The following LHFPL3 variants were observed in gnomAD, a reference collection of about 807,000 sequenced individuals.
LHFPL3 encodes the protein LHFPL tetraspan subfamily member 3 protein.
Under a neutral mutation model 19.3 loss-of-function variants are expected in LHFPL3, and 5 were observed. That is an observed-to-expected ratio of 0.26 (90% CI 0.14 to 0.54). The LOEUF (loss-of-function observed/expected upper bound fraction) is 0.54. LHFPL3 is among the 20% of genes least tolerant of loss of function. The pLI, the probability that LHFPL3 is intolerant of heterozygous loss-of-function variation, is 0.94. For missense variants in LHFPL3, 249 were observed against 307.4 expected (o/e 0.81, Z 1.42); for synonymous variants, 133 against 126.2 (o/e 1.05, Z -0.36).
chr7:104,763,845 A>G (rs1794414441), intron 2 of LHFPL3, among the ~76,000 whole-genome samples: 1 of 152,216 alleles, frequency 6.6e-6, no homozygotes. Flanking sequence ...CAACAATTTT[A>G]TGAGTACCTA....
intron 2 of LHFPL3, among the ~76,000 whole-genome samples, chr7:104,758,243 C>T (rs1477275122): frequency 1.3e-5 from 2 of 152,122 alleles, no homozygotes; most frequent in Non-Finnish European, 2.9e-5. Context: ...TTATTGGGTA[C>T]TATACTCACT....
chr7:104,606,308 C>A (rs1469659261), intron 1 of LHFPL3, among the ~76,000 whole-genome samples: 1 of 152,172 alleles, frequency 6.6e-6, no homozygotes, highest in Non-Finnish European at 1.5e-5. Flanking sequence ...TTGGAAATAG[C>A]AAAACAGAGA....
At chr7:104,398,202 A>T (rs1200984133) in intron 1 of LHFPL3, among the ~76,000 whole-genome samples, 6 of 152,186 alleles carry the variant, frequency 3.9e-5, no homozygotes, top group Non-Finnish European at 7.3e-5. Context: ...GAGGACCAAC[A>T]TCTTGTAACA....
intron 1 of LHFPL3, among the ~76,000 whole-genome samples, chr7:104,607,867 T>C (rs1477106670): frequency 1.3e-5 from 2 of 152,110 alleles, no homozygotes; most frequent in Non-Finnish European, 2.9e-5. Context: ...AGAAGACATT[T>C]ATGCAGCCAA....
intron 1 of LHFPL3, chr7:104,669,134 C>A: frequency 7.4e-6 from 12 of 1,613,260 alleles, no homozygotes; most frequent in Non-Finnish European, 9.3e-6. Flanking sequence ...TCTAAACCTC[C>A]CAAACCTGAT....
chr7:104,562,834 T>C (rs1415094874), intron 1 of LHFPL3, among the ~76,000 whole-genome samples: 1 of 150,866 alleles, frequency 6.6e-6, no homozygotes, highest in African/African-American at 2.4e-5. Flanking sequence ...TGGTCTTTGA[T>C]GATGGTGATG....
At chr7:104,823,207 T>C (rs1280745587) in intron 2 of LHFPL3, among the ~76,000 whole-genome samples, 2 of 152,146 alleles carry the variant, frequency 1.3e-5, no homozygotes, top group African/African-American at 2.4e-5. Flanking sequence ...ATGGGCCCAC[T>C]CCAAAAATCT....
intron 2 of LHFPL3, among the ~76,000 whole-genome samples, chr7:104,869,687 T>C (rs1791794818): frequency 6.6e-6 from 1 of 152,142 alleles, no homozygotes; most frequent in Non-Finnish European, 1.5e-5. Flanking sequence ...GTGTGGCGAT[T>C]CCTCAGGGAT....
chr7:104,724,135 G>A (rs1294217101), intron 1 of LHFPL3, among the ~76,000 whole-genome samples: 1 of 142,140 alleles, frequency 7.0e-6, no homozygotes, highest in Non-Finnish European at 1.5e-5. Flanking sequence ...AGTTTCCAGT[G>A]GCTATACAAA....
intron 1 of LHFPL3, among the ~76,000 whole-genome samples, chr7:104,554,760 A>T (rs1431510167): frequency 1.3e-5 from 2 of 152,204 alleles, no homozygotes; most frequent in Non-Finnish European, 2.9e-5. Context: ...GAGAAGTCCC[A>T]CAATAGGCTG....
intron 1 of LHFPL3, among the ~76,000 whole-genome samples, chr7:104,672,215 C>G (rs1450276206): frequency 3.9e-5 from 6 of 152,004 alleles, no homozygotes; most frequent in African/African-American, 4.8e-5. Context: ...CTGGCTGCAT[C>G]CCTTTTGACT....
intron 1 of LHFPL3, among the ~76,000 whole-genome samples, chr7:104,659,449 A>G (rs951203055): frequency 2.6e-5 from 4 of 152,190 alleles, no homozygotes. Context: ...ACACCAGAGA[A>G]TCCAAGGCTG....
chr7:104,616,735 A>T (rs913656605), intron 1 of LHFPL3, among the ~76,000 whole-genome samples: 3 of 152,184 alleles, frequency 2.0e-5, no homozygotes, highest in African/African-American at 7.2e-5. Context: ...TCCATTCTGT[A>T]GGTTGGCAAT....
At chr7:104,788,828 CCT>C (rs1029299721) in intron 2 of LHFPL3, among the ~76,000 whole-genome samples, 1 of 151,958 alleles carries the variant, frequency 6.6e-6, no homozygotes, top group African/African-American at 2.4e-5. Context: ...TCACTCGTTC[CCT>C]CTCTCACTCC....
chr7:104,391,634 G>C (rs1427790828), intron 1 of LHFPL3, among the ~76,000 whole-genome samples: 1 of 152,160 alleles, frequency 6.6e-6, no homozygotes, highest in East Asian at 1.9e-4. Flanking sequence ...CTCTAGCTTT[G>C]TTCTTTTGGC....
At chr7:104,352,114 A>G (rs985717715) in intron 1 of LHFPL3, among the ~76,000 whole-genome samples, 18 of 151,880 alleles carry the variant, frequency 1.2e-4, no homozygotes, top group Admixed American at 4.6e-4. Flanking sequence ...GTGGTGAGCT[A>G]TGATTTCACC....
At chr7:104,718,224 AC>A (rs767804221) in intron 1 of LHFPL3, among the ~76,000 whole-genome samples, 6 of 152,184 alleles carry the variant, frequency 3.9e-5, no homozygotes, top group Non-Finnish European at 7.3e-5. Flanking sequence ...GATTCGTAGA[AC>A]ATTGTGCTTA....
chr7:104,395,832 G>C (rs538425272), intron 1 of LHFPL3, among the ~76,000 whole-genome samples: 5 of 152,114 alleles, frequency 3.3e-5, no homozygotes, highest in Non-Finnish European at 7.4e-5. Context: ...ATGATGTTCA[G>C]CTAGTTTTAT....
chr7:104,409,336 G>GTA (rs1329537799), intron 1 of LHFPL3, among the ~76,000 whole-genome samples: 19 of 149,158 alleles, frequency 1.3e-4, no homozygotes, highest in African/African-American at 4.7e-4. Flanking sequence ...GTGTGTGTGT[G>GTA]TGTGTCTGTG....
Sources: gnomAD v4.1 joint callset for allele counts (sites outside exome capture counted in the v4.1 genomes callset) on GRCh38, gnomAD v4.1.1 for gene constraint, MANE v1.5 for transcripts, NCBI Gene and HGNC (gene_info 2026-07-23, HGNC 2026-07-21) for gene names.